Variants in CNGB1 observed in about 807,000 individuals in gnomAD.
CNGB1 encodes the protein cyclic nucleotide gated channel subunit beta 1.
CNGB1 carries 126 observed loss-of-function variants against 151.7 expected under a neutral mutation model. The ratio of observed to expected loss-of-function variants is 0.83; its 90% CI spans 0.72 to 0.96. The LOEUF is 0.96. Among genes scored for constraint, CNGB1 ranks in the 40% least tolerant of loss-of-function variants. The pLI, the probability that CNGB1 is intolerant of heterozygous loss-of-function variation, is 0.00. For synonymous variants in CNGB1, 623 were observed against 635.1 expected, an observed-to-expected ratio of 0.98 and a Z score of 0.29; for missense variants, 1,698 against 1,627.0, an observed-to-expected ratio of 1.04 and a Z score of -0.75.
intron 25 of CNGB1, among the ~76,000 whole-genome samples, chr16:57,908,933 T>C (rs562602962): frequency 6.6e-6 from 1 of 152,326 alleles, no homozygotes; most frequent in South Asian, 2.1e-4. Context: ...CTCACTCTCC[T>C]GCTTAAGGCT....
At chr16:57,904,579 G>A (rs1338904427) in intron 26 of CNGB1, among the ~76,000 whole-genome samples, 155 bp downstream of exon 26, 3 of 152,234 alleles carry the variant, frequency 2.0e-5, no homozygotes, top group Admixed American at 6.5e-5. Flanking sequence ...CCTTCACCGC[G>A]CAGGGACCAG....
At chr16:57,892,265 G>A (rs8044277) in intron 31 of CNGB1, among the ~76,000 whole-genome samples, 38,973 of 151,808 alleles carry the variant, frequency 0.26, 6,638 homozygotes, top group African/African-American at 0.49. Context: ...TCTTGGCGTT[G>A]CAAGTCCATT....
chr16:57,906,858 T>G (rs1158661582), intron 25 of CNGB1, among the ~76,000 whole-genome samples: 2 of 152,150 alleles, frequency 1.3e-5, no homozygotes, highest in East Asian at 3.9e-4. Flanking sequence ...TGTCCTTGTC[T>G]GTGGGGACCA....
At chr16:57,958,113 T>C (rs1292061083) in intron 11 of CNGB1, among the ~76,000 whole-genome samples, 2 of 152,182 alleles carry the variant, frequency 1.3e-5, no homozygotes, top group Non-Finnish European at 2.9e-5. Flanking sequence ...TTGCACATGC[T>C]TGGAGGCCAC....
chr16:57,969,415 G>A (rs1389869058), intron 1 of CNGB1, among the ~76,000 whole-genome samples: 1 of 152,140 alleles, frequency 6.6e-6, no homozygotes, highest in African/African-American at 2.4e-5. Context: ...TCAGGAGTTC[G>A]AGACCAGCCT....
rs768179382 is a variant in CNGB1, at chr16:57,949,397, C to G, written c.1077G>C (p.Glu359Asp). ...CCTCCTCCTCCTCCTCTTCCTCTTC[C>G]TCCTCCTCATCTTCTTTCTCCTCTT... ...RIEEEKEDEE[E>D]EEEEEEEEEE... The change falls in exon 14 of 33, where the codon GAG (glutamate) becomes GAC (aspartate). Residue 359 changes from glutamate (E) to aspartate (D), a missense_variant. By Grantham distance (45) the Glu-to-Asp change is conservative. Coordinates refer to ENST00000251102, the MANE Select transcript of CNGB1 (RefSeq NM_001297.5). 1.2e-6 allele frequency: 2 copies of G among 1,613,580 alleles called. No homozygotes were observed. Among genetic ancestry groups the G allele is most frequent in the Non-Finnish European group, 1.7e-6 (2 of 1,180,008 alleles).
rs1961926461 is a variant in CNGB1, at chr16:57,950,669, G to A, written c.875-129C>T. ...TGCCTCAGTGCTTAGTCATGCAGTG[G>A]GGAAATGGCACTTTCCATTTTCAGC... On this transcript the variant is annotated intron_variant, in intron 12 of 32. Coordinates refer to ENST00000251102, the MANE Select transcript of CNGB1 (RefSeq NM_001297.5). The A allele has an allele frequency of 3.3e-6, 3 of 907,518 alleles. No individual in the cohort carries two copies. The South Asian group carries it at 4.2e-5, about 13-fold the overall frequency. 56.2% of individuals were successfully genotyped at this position (907,518 alleles called of 1,614,324 possible). A position where few individuals can be genotyped will look rare whatever the true frequency, so the allele number is the denominator to read the frequency against.
intron 29 of CNGB1, among the ~76,000 whole-genome samples, chr16:57,900,273 T>A (rs1960350468): frequency 6.6e-6 from 1 of 152,180 alleles, no homozygotes; most frequent in South Asian, 2.1e-4. Context: ...TTCTCAGGTC[T>A]CTGAAGCATA....
intron 6 of CNGB1, 74 bp downstream of exon 6, chr16:57,962,768 G>A (rs1235196199): frequency 3.1e-6 from 5 of 1,593,176 alleles, no homozygotes; most frequent in Non-Finnish European, 3.4e-6. Context: ...GCTCCCAAGG[G>A]GCAGGGCCCA....
chr16:57,963,525 G>A (rs1345699351), intron 4 of CNGB1, among the ~76,000 whole-genome samples: 1 of 152,198 alleles, frequency 6.6e-6, no homozygotes, highest in Non-Finnish European at 1.5e-5. Context: ...CACAGGCTGA[G>A]CAGCCTAAAT....
chr16:57,908,079 G>C (rs1366148413), intron 25 of CNGB1, among the ~76,000 whole-genome samples: 1 of 149,642 alleles, frequency 6.7e-6, no homozygotes, highest in East Asian at 1.9e-4. Context: ...TTTGTAGAGA[G>C]GGGGTCTCCC....
In CNGB1 at chr16:57,925,693, C is replaced by CT. The variant is rs200984471; in HGVS notation, c.1536-2314dup. 1.9e-3 allele frequency among the ~76,000 whole-genome samples: 267 copies of CT among 137,152 alleles called. 1 individual carries two copies. Among genetic ancestry groups the CT allele is most frequent in the Middle Eastern group, 3.8e-3 (1 of 266 alleles). 90.0% of individuals were successfully genotyped at this position (137,152 alleles called of 152,430 possible). On this transcript the variant is annotated intron_variant, in intron 17 of 32. Coordinates refer to ENST00000251102, the MANE Select transcript of CNGB1 (RefSeq NM_001297.5). ...GTTTCCCAAGGGAAGTTCATGATTA[C>CT]TTTTTTTTTTTTGAGATGGAGTCTC...
At chr16:57,898,146 A>C (rs1220736039) in intron 29 of CNGB1, among the ~76,000 whole-genome samples, 1 of 152,164 alleles carries the variant, frequency 6.6e-6, no homozygotes, top group Admixed American at 6.5e-5. Flanking sequence ...CATAACTGAC[A>C]GGGTTGCAGT....
At chr16:57,936,684 C>G (rs371146601) in intron 16 of CNGB1, among the ~76,000 whole-genome samples, 1 of 151,868 alleles carries the variant, frequency 6.6e-6, no homozygotes, top group Non-Finnish European at 1.5e-5. Context: ...CCCAGCTACT[C>G]GGGAGGCTGA....
At chr16:57,962,930 C>T (rs1567398951) in intron 5 of CNGB1, 44 bp downstream of exon 5, 1 of 1,612,276 alleles carries the variant, frequency 6.2e-7, no homozygotes, top group Non-Finnish European at 8.5e-7. Context: ...CTCCCCACAG[C>T]CCCTCTCCAA....
chr16:57,958,851 G>A (rs1447975233), intron 10 of CNGB1, among the ~76,000 whole-genome samples: 1 of 150,636 alleles, frequency 6.6e-6, no homozygotes, highest in African/African-American at 2.4e-5. Context: ...CCAGGCTGAT[G>A]TGATCATATC....
chr16:57,904,997 T>C (rs1960506970), intron 25 of CNGB1, 122 bp from the exon 26 acceptor site: 2 of 1,295,362 alleles, frequency 1.5e-6, no homozygotes, highest in Non-Finnish European at 2.2e-6. Flanking sequence ...CCTTTACAGC[T>C]CATCTATGCA....
At chr16:57,954,398 C>A (rs570800265) in intron 12 of CNGB1, among the ~76,000 whole-genome samples, 5 of 152,314 alleles carry the variant, frequency 3.3e-5, no homozygotes, top group African/African-American at 1.2e-4. Flanking sequence ...ACAGCCAAGT[C>A]CACCCAGTTT....
intron 17 of CNGB1, among the ~76,000 whole-genome samples, chr16:57,926,892 A>G (rs1961205304): frequency 6.6e-6 from 1 of 152,242 alleles, no homozygotes; most frequent in African/African-American, 2.4e-5. Context: ...AGGTAGGAGA[A>G]TCGCTTAAAT....
Sources: gnomAD v4.1 joint callset for allele counts (sites outside exome capture counted in the v4.1 genomes callset) on GRCh38, gnomAD v4.1.1 for gene constraint, MANE v1.5 for transcripts, NCBI Gene and HGNC (gene_info 2026-07-23, HGNC 2026-07-21) for gene names.